SLC24A3: variants seen among roughly 807,000 people sequenced by gnomAD.
SLC24A3 encodes the protein sodium/potassium/calcium exchanger 3.
Under a neutral mutation model 75.8 loss-of-function variants are expected in SLC24A3, and 28 were observed. The observed-to-expected ratio is 0.37, with a 90% CI of 0.27 to 0.51. The LOEUF is 0.51. SLC24A3 is among the 20% of genes least tolerant of loss of function. The pLI is 0.94. For missense variants in SLC24A3, 663 were observed against 847.8 expected (o/e 0.78, Z 2.71); for synonymous variants, 372 against 334.1 (o/e 1.11, Z -1.24).
At chr20:19,514,654 C>T (rs1200977256) in intron 2 of SLC24A3, among the ~76,000 whole-genome samples, 1 of 152,192 alleles carries the variant, frequency 6.6e-6, no homozygotes, top group Non-Finnish European at 1.5e-5. Flanking sequence ...ATGTGAGAAC[C>T]TGGCCCAGAA....
chr20:19,276,292 A>G (rs1263615872), intron 1 of SLC24A3, among the ~76,000 whole-genome samples: 1 of 152,216 alleles, frequency 6.6e-6, no homozygotes, highest in East Asian at 1.9e-4. Context: ...GTGGGACTTT[A>G]GAAGTGTCTT....
chr20:19,516,310 A>G (rs1477046978), intron 3 of SLC24A3, among the ~76,000 whole-genome samples: 1 of 152,222 alleles, frequency 6.6e-6, no homozygotes, highest in African/African-American at 2.4e-5. Flanking sequence ...CAGCTGTCCA[A>G]CAAGAAATCT....
chr20:19,566,936 T>C (rs566601968), intron 3 of SLC24A3, among the ~76,000 whole-genome samples: 1 of 152,288 alleles, frequency 6.6e-6, no homozygotes, highest in Non-Finnish European at 1.5e-5. Context: ...ATTAGAGAAA[T>C]GCAAATTCAA....
chr20:19,323,538 G>T (rs961009318), intron 2 of SLC24A3, among the ~76,000 whole-genome samples: 2 of 152,152 alleles, frequency 1.3e-5, no homozygotes, highest in African/African-American at 4.8e-5. Flanking sequence ...GGAGCAAACA[G>T]GACTAGACCT....
At chr20:19,359,925 A>G (rs1178020139) in intron 2 of SLC24A3, among the ~76,000 whole-genome samples, 2 of 152,196 alleles carry the variant, frequency 1.3e-5, no homozygotes, top group Non-Finnish European at 2.9e-5. Context: ...ATAGGTGAGG[A>G]AGGTGGGGTA....
At chr20:19,584,363 A>G (rs766941712) in intron 4 of SLC24A3, among the ~76,000 whole-genome samples, 1 of 152,076 alleles carries the variant, frequency 6.6e-6, no homozygotes, top group African/African-American at 2.4e-5. Flanking sequence ...TGATCCCCAC[A>G]TCCACACCCC....
intron 1 of SLC24A3, among the ~76,000 whole-genome samples, chr20:19,253,916 A>G (rs1982734822): frequency 1.3e-5 from 2 of 152,114 alleles, no homozygotes; most frequent in African/African-American, 2.4e-5. Flanking sequence ...TGTCTAAATC[A>G]GAGGACCCAG....
chr20:19,582,101 C>T (rs2122634043), intron 4 of SLC24A3, among the ~76,000 whole-genome samples: 1 of 152,286 alleles, frequency 6.6e-6, no homozygotes, highest in African/African-American at 2.4e-5. Context: ...GGTCAGAGCT[C>T]ACATATATTT....
chr20:19,372,184 G>T (rs972319085), intron 2 of SLC24A3, among the ~76,000 whole-genome samples: 8 of 152,160 alleles, frequency 5.3e-5, no homozygotes, highest in Non-Finnish European at 8.8e-5. Context: ...ATCCAAGATG[G>T]AGTTGCTTTA....
chr20:19,219,671 C>T (rs777946353), intron 1 of SLC24A3, among the ~76,000 whole-genome samples: 1 of 152,138 alleles, frequency 6.6e-6, no homozygotes, highest in Non-Finnish European at 1.5e-5. Context: ...AAGATGCAGA[C>T]AGGCAATTTA....
intron 2 of SLC24A3, among the ~76,000 whole-genome samples, chr20:19,500,831 G>A (rs1421091662): frequency 6.6e-6 from 1 of 152,140 alleles, no homozygotes; most frequent in Non-Finnish European, 1.5e-5. Flanking sequence ...TGGAGAGGAG[G>A]TATTAGTATC....
intron 2 of SLC24A3, among the ~76,000 whole-genome samples, chr20:19,385,402 T>C (rs1986255191): frequency 6.6e-6 from 1 of 152,222 alleles, no homozygotes; most frequent in Admixed American, 6.5e-5. Flanking sequence ...GACTGTTCTT[T>C]CCCCGTTGTG....
intron 2 of SLC24A3, among the ~76,000 whole-genome samples, chr20:19,347,856 G>A (rs1243296340): frequency 1.3e-5 from 2 of 152,190 alleles, no homozygotes; most frequent in African/African-American, 2.4e-5. Context: ...CTTCACATCT[G>A]CAAAGTGAGG....
chr20:19,582,014 A>T (rs555507699), intron 4 of SLC24A3, among the ~76,000 whole-genome samples: 2 of 152,374 alleles, frequency 1.3e-5, no homozygotes, highest in East Asian at 3.9e-4. Context: ...TCCTGGAAAG[A>T]CAATGTTGGC....
At chr20:19,253,076 C>A (rs1033843331) in intron 1 of SLC24A3, among the ~76,000 whole-genome samples, 4 of 152,134 alleles carry the variant, frequency 2.6e-5, no homozygotes, top group Non-Finnish European at 5.9e-5. Context: ...TCCTAAGTGC[C>A]CCCAGGCAAC....
At chr20:19,323,099 G>A (rs537025838) in intron 2 of SLC24A3, among the ~76,000 whole-genome samples, 10 of 150,900 alleles carry the variant, frequency 6.6e-5, no homozygotes, top group Admixed American at 2.6e-4. Context: ...CCAGCTACTC[G>A]GGAGGCTGAG....
At chr20:19,680,397 A>G (rs1203968027) in intron 9 of SLC24A3, among the ~76,000 whole-genome samples, 1 of 152,124 alleles carries the variant, frequency 6.6e-6, no homozygotes, top group African/African-American at 2.4e-5. Context: ...TTCCATCACC[A>G]GGAGGCACGG....
intron 1 of SLC24A3, among the ~76,000 whole-genome samples, chr20:19,225,371 AG>A (rs2122139156): frequency 6.6e-6 from 1 of 152,330 alleles, no homozygotes; most frequent in Admixed American, 6.5e-5. Context: ...GGCCATGTGC[AG>A]GAAGAAAGTC....
At chr20:19,486,413 C>A (rs549314895) in intron 2 of SLC24A3, among the ~76,000 whole-genome samples, 46 of 152,086 alleles carry the variant, frequency 3.0e-4, no homozygotes, top group African/African-American at 1.0e-3. Flanking sequence ...AACAGTACAC[C>A]AAAAGTGGTG....
Sources: allele counts gnomAD v4.1 joint callset (sites outside exome capture counted in the v4.1 genomes callset), GRCh38; gene constraint gnomAD v4.1.1; transcripts MANE v1.5; gene names NCBI Gene and HGNC (gene_info 2026-07-23, HGNC 2026-07-21).